The following CDIN1 variants were observed in gnomAD, a reference collection of about 807,000 sequenced individuals.
CDIN1 encodes the protein CDAN1 interacting nuclease 1.
CDIN1 carries 33 observed loss-of-function variants against 45.3 expected under a neutral mutation model. That is an observed-to-expected ratio of 0.73 (90% CI 0.55 to 0.97). The LOEUF is 0.97. CDIN1 is among the 50% of genes least tolerant of loss of function. The probability of loss-of-function intolerance (pLI) is 0.00; values close to 1 mark genes in which losing one functional copy is unlikely to be tolerated. For missense variants in CDIN1, 303 were observed against 339.4 expected (o/e 0.89, Z 0.84); for synonymous variants, 118 against 124.4 (o/e 0.95, Z 0.34).
At chr15:36,620,834 A>G (rs2039154362) in intron 1 of CDIN1, among the ~76,000 whole-genome samples, 2 of 151,922 alleles carry the variant, frequency 1.3e-5, no homozygotes, top group Admixed American at 6.6e-5. Context: ...TTTACAGTGT[A>G]TTTATCACCT....
intron 5 of CDIN1, among the ~76,000 whole-genome samples, chr15:36,669,530 T>C (rs1181635955): frequency 6.6e-6 from 1 of 151,500 alleles, no homozygotes; most frequent in Non-Finnish European, 1.5e-5. Context: ...TCCCTAATGT[T>C]ATCATCTTAT....
At chr15:36,760,643 G>A (rs1012285882) in intron 10 of CDIN1, among the ~76,000 whole-genome samples, 15 of 152,100 alleles carry the variant, frequency 9.9e-5, no homozygotes, top group African/African-American at 3.4e-4. Context: ...ACTCCATCCC[G>A]CACCTGAGGC....
intron 1 of CDIN1, among the ~76,000 whole-genome samples, chr15:36,620,090 G>A (rs995076607): frequency 6.6e-5 from 10 of 152,192 alleles, no homozygotes; most frequent in Non-Finnish European, 1.3e-4. Flanking sequence ...GGTGGCTCTC[G>A]CCTGTAATCC....
intron 10 of CDIN1, among the ~76,000 whole-genome samples, chr15:36,764,054 G>T (rs950394063): frequency 1.3e-5 from 2 of 152,148 alleles, no homozygotes; most frequent in African/African-American, 2.4e-5. Flanking sequence ...AAGATTGGGG[G>T]TGGAGGAGGG....
chr15:36,607,021 C>G (rs963788229), intron 1 of CDIN1, among the ~76,000 whole-genome samples: 2 of 152,148 alleles, frequency 1.3e-5, no homozygotes, highest in African/African-American at 4.8e-5. Context: ...GTGGCATTTT[C>G]TGGGTTGATC....
chr15:36,613,687 T>G, intron 1 of CDIN1: 1 of 1,477,900 alleles, frequency 6.8e-7, no homozygotes, highest in Non-Finnish European at 9.4e-7. Context: ...GCCTGGCTAC[T>G]GCCCTGCAAA....
chr15:36,692,199 G>A (rs773892910), intron 7 of CDIN1, 24 bp downstream of exon 7: 50 of 1,609,812 alleles, frequency 3.1e-5, no homozygotes, highest in East Asian at 6.7e-5. Context: ...TAAAATTTTA[G>A]GTGCGCAATT....
At chr15:36,629,547 C>G (rs2039592236) in intron 1 of CDIN1, among the ~76,000 whole-genome samples, 1 of 152,148 alleles carries the variant, frequency 6.6e-6, no homozygotes, top group Non-Finnish European at 1.5e-5. Flanking sequence ...CTAAATTATG[C>G]TGAACATTGC....
At chr15:36,769,532 G>T (rs569405749) in intron 10 of CDIN1, among the ~76,000 whole-genome samples, 2 of 152,280 alleles carry the variant, frequency 1.3e-5, no homozygotes, top group East Asian at 3.9e-4. Context: ...GATTATGGAT[G>T]TTAATCGCAT....
chr15:36,707,494 T>C (rs925662230), intron 8 of CDIN1: 4 of 152,194 alleles, frequency 2.6e-5, no homozygotes, highest in African/African-American at 9.6e-5. Flanking sequence ...GTAGATATTA[T>C]GTTAGTAATT....
intron 1 of CDIN1, among the ~76,000 whole-genome samples, chr15:36,589,596 C>T (rs1297163557): frequency 2.6e-5 from 4 of 152,066 alleles, no homozygotes; most frequent in Non-Finnish European, 4.4e-5. Context: ...AGCTCCGCCT[C>T]CTGGGTTCAC....
Position 36,617,558 on chromosome 15 carries a change from T to C in CDIN1, c.102-26720T>C, listed in dbSNP as rs2038952806. The stretch of plus-strand genomic sequence containing the variant: ...GATCAGTTCATCCCAATTTGGACAG[T>C]TGTTAACATGGAAGAAATAAAAAAG... On this transcript the variant is annotated intron_variant, in intron 1 of 10. Coordinates refer to ENST00000566621, the MANE Select transcript of CDIN1 (RefSeq NM_001321759.2). 5 of 796,892 alleles carry C rather than the reference T, an allele frequency of 6.3e-6. No homozygotes were observed. The Admixed American group carries it at 8.5e-5, about 14-fold the overall frequency. 49.4% of individuals were successfully genotyped at this position (796,892 alleles called of 1,614,324 possible). A position where few individuals can be genotyped will look rare whatever the true frequency, so the allele number is the denominator to read the frequency against.
intron 10 of CDIN1, among the ~76,000 whole-genome samples, chr15:36,753,588 G>A (rs72708612): frequency 0.17 from 25,473 of 150,320 alleles, 2,460 homozygotes; most frequent in East Asian, 0.29. Context: ...TAGACAAAAT[G>A]GAATCAAACT....
chr15:36,714,758 C>G (rs1433944151), intron 10 of CDIN1, among the ~76,000 whole-genome samples: 5 of 152,150 alleles, frequency 3.3e-5, no homozygotes, highest in Admixed American at 2.0e-4. Flanking sequence ...AACCACTGCT[C>G]TCAGGCCAGA....
chr15:36,721,389 ATT>A (rs1264377563), intron 10 of CDIN1, among the ~76,000 whole-genome samples: 2 of 152,016 alleles, frequency 1.3e-5, no homozygotes, highest in African/African-American at 4.8e-5. Context: ...TTTCATTTTT[ATT>A]TGGTTCCACA....
chr15:36,621,176 G>A lies in CDIN1; in HGVS notation c.102-23102G>A, dbSNP rs2039168732. ...AGAACTGTCCCATATGTTAGATTAT[G>A]TGTGTACAATTACGTGTAAATTGTG... On this transcript the variant is annotated intron_variant, in intron 1 of 10. Transcript: ENST00000566621. 2.0e-5 allele frequency among the ~76,000 whole-genome samples: 3 copies of A among 152,172 alleles called. No homozygotes were observed. The South Asian group carries it at 6.2e-4, about 31-fold the overall frequency.
Position 36,709,231 on chromosome 15 carries a change from C to G in CDIN1, c.553C>G (p.Gln185Glu). The stretch of plus-strand genomic sequence containing the variant: ...GTTTGTTCTTCCTGTAGATGAAGAT[C>G]AGCTTCGTGCAAAGGGTTATGACAA... ...EKNLSFLDED[Q>E]LRAKGYDKTP... is the part of the protein sequence containing the mutation. Residue 185 changes from glutamine to glutamate, a missense_variant, in exon 9 of 11, where the codon CAG (glutamine) becomes GAG (glutamate). Gln to Glu is a conservative substitution (Grantham distance 29, BLOSUM62 2). Coordinates refer to ENST00000566621, the MANE Select transcript of CDIN1 (RefSeq NM_001321759.2). 1 of 1,599,208 alleles carries G rather than the reference C, an allele frequency of 6.3e-7. No homozygotes were observed. Among genetic ancestry groups the G allele is most frequent in the Non-Finnish European group, 8.5e-7 (1 of 1,172,664 alleles).
intron 1 of CDIN1, among the ~76,000 whole-genome samples, chr15:36,643,406 A>G (rs1374919445): frequency 1.3e-5 from 2 of 152,252 alleles, no homozygotes; most frequent in Non-Finnish European, 2.9e-5. Context: ...TTGGCATACT[A>G]TAAAAGTCGA....
chr15:36,613,436 A>G (rs1174402293), intron 1 of CDIN1: 2 of 1,490,678 alleles, frequency 1.3e-6, no homozygotes, highest in African/African-American at 2.8e-5. Context: ...TGGAGGAGGC[A>G]GGAACTGGAG....
Sources: gnomAD v4.1 joint callset for allele counts (sites outside exome capture counted in the v4.1 genomes callset) on GRCh38, gnomAD v4.1.1 for gene constraint, MANE v1.5 for transcripts, NCBI Gene and HGNC (gene_info 2026-07-23, HGNC 2026-07-21) for gene names.